The following DCST1 variants were observed in gnomAD, a reference collection of about 807,000 sequenced individuals.
The protein encoded by DCST1 is DC-STAMP domain containing 1.
Under a neutral mutation model 89.1 loss-of-function variants are expected in DCST1, and 78 were observed. The ratio of observed to expected loss-of-function variants is 0.88; its 90% CI spans 0.73 to 1.06. The LOEUF (loss-of-function observed/expected upper bound fraction) is 1.06, where lower values mean the gene tolerates loss of function less well. Among genes scored for constraint, DCST1 ranks in the 50% least tolerant of loss-of-function variants. The pLI, the probability that DCST1 is intolerant of heterozygous loss-of-function variation, is 0.00. For synonymous variants in DCST1, 364 were observed against 371.9 expected, an observed-to-expected ratio of 0.98 and a Z score of 0.24; for missense variants, 900 against 928.6, an observed-to-expected ratio of 0.97 and a Z score of 0.40.
intron 10 of DCST1, among the ~76,000 whole-genome samples, chr1:155,044,408 G>A (rs183626611): frequency 6.9e-6 from 1 of 145,510 alleles, no homozygotes; most frequent in African/African-American, 2.5e-5. Flanking sequence ...CTGGGAGGTC[G>A]AAGCTGCAGT....
At chr1:155,043,621 A>G in intron 10 of DCST1, 112 bp downstream of exon 10, 1 of 1,270,848 alleles carries the variant, frequency 7.9e-7, no homozygotes, top group Non-Finnish European at 1.0e-6. Context: ...TCTGAATCTG[A>G]ATATTATTTA....
In DCST1 at chr1:155,047,255, A is replaced by G. The variant is rs1444551020; in HGVS notation, c.1555A>G (p.Lys519Glu). The change falls in exon 14 of 17, where the codon AAA becomes GAA. Residue 519 changes from lysine to glutamate, a missense_variant. Physicochemically the swap from Lys to Glu is moderately conservative, Grantham distance 56. Coordinates refer to ENST00000295542, the MANE Select transcript of DCST1 (RefSeq NM_152494.4). ...GDSMLARLLR[K>E]TIGALNTSSE... Reference sequence around the variant, plus strand: ...CTCCATGCTAGCCCGGCTTCTTCGAAAAACCATTGGGGCCCTGAACACCTC... The same window carrying G: ...CTCCATGCTAGCCCGGCTTCTTCGAGAAACCATTGGGGCCCTGAACACCTC... 6 of 1,614,142 alleles carry G rather than the reference A, an allele frequency of 3.7e-6. No individual in the cohort carries two copies. Among genetic ancestry groups the G allele is most frequent in the East Asian group, 2.2e-5 (1 of 44,902 alleles).
In DCST1 at chr1:155,047,312, C is replaced by A. The variant is rs780909658; in HGVS notation, c.1612C>A (p.Pro538Thr). ...SETVMESNNMPCLPQPVGLDA... is the reference protein window; with the variant it reads ...SETVMESNNMTCLPQPVGLDA... Reference sequence around the variant, plus strand: ...GACAGTGATGGAATCAAACAACATGCGTGAGTGATGCTGAAAGTTTGGATC... The same window carrying A: ...GACAGTGATGGAATCAAACAACATGAGTGAGTGATGCTGAAAGTTTGGATC... Residue 538 changes from proline (P) to threonine (T), a missense_variant and splice_region_variant, in exon 14 of 17, where the codon CCC becomes ACC. Pro to Thr is a conservative substitution (Grantham distance 38, BLOSUM62 -1). Transcript: ENST00000295542. The A allele has an allele frequency of 1.2e-6, 2 of 1,609,056 alleles. No homozygotes were observed. The highest frequency in any genetic ancestry group is 1.7e-6 in the Non-Finnish European group (2 of 1,175,756).
At chr1:155,035,051 A>AATTCATTCATTC in intron 4 of DCST1, 1 of 284,686 alleles carries the variant, frequency 3.5e-6, no homozygotes, top group East Asian at 9.4e-5. Context: ...TAAGAAATTA[A>AATTCATTCATTC]ATTCATTCAT....
intron 16 of DCST1, among the ~76,000 whole-genome samples, chr1:155,049,514 A>C (rs2102366858): frequency 6.6e-6 from 1 of 151,764 alleles, no homozygotes; most frequent in South Asian, 2.1e-4. Flanking sequence ...TCCCCAGTTC[A>C]AGCGATTCTC....
intron 4 of DCST1, among the ~76,000 whole-genome samples, chr1:155,038,051 C>CA (rs1036443742): frequency 5.6e-4 from 85 of 152,098 alleles, no homozygotes; most frequent in Middle Eastern, 3.4e-3. Context: ...GAAGAAGGCA[C>CA]AAAAAAAACT....
chr1:155,040,348 A>G, intron 5 of DCST1, 137 bp from the exon 6 acceptor site: 1 of 867,182 alleles, frequency 1.2e-6, no homozygotes, highest in Non-Finnish European at 1.6e-6. Context: ...AGGTTGAACA[A>G]GTTGACCTTT....
At position 155,041,322 on chromosome 1, in the gene DCST1, GAGGACAGGCCCTCAGGC is replaced by G. The variant is rs1207127208; in HGVS notation, c.532-72_532-56del. On this transcript the variant is annotated intron_variant, in intron 6 of 16. Transcript: ENST00000295542. Reference sequence around the variant, plus strand: ...AGAACCCAAAGCTTGGCTACTGGGGGAGGACAGGCCCTCAGGCAGCAGAAGTTCTAAAGCCCCAGCCC... The same window carrying G: ...AGAACCCAAAGCTTGGCTACTGGGGGAGCAGAAGTTCTAAAGCCCCAGCCC... 2.7e-6 allele frequency: 4 copies of G among 1,496,976 alleles called. No homozygotes were observed. The African/African-American group carries it at 5.5e-5, about 21-fold the overall frequency. The allele number at this position is 1,496,976 out of a possible 1,614,324, so 92.7% of individuals were successfully genotyped here.
chr1:155,036,129 T>TCCC (rs1390915044), intron 4 of DCST1, among the ~76,000 whole-genome samples: 2 of 148,144 alleles, frequency 1.4e-5, no homozygotes, highest in Non-Finnish European at 1.5e-5. Flanking sequence ...TTGCCTATAA[T>TCCC]CCCCACAGTA....
intron 15 of DCST1, 35 bp downstream of exon 15, chr1:155,047,964 A>G: frequency 6.2e-7 from 1 of 1,613,106 alleles, no homozygotes; most frequent in Non-Finnish European, 8.5e-7. Flanking sequence ...ACCCCTACAC[A>G]CCTGCACACA....
rs1558110227 is a variant in DCST1 at position 155,046,220 on chromosome 1, G to A, written c.1368G>A (p.Val456=). The A allele has an allele frequency of 6.2e-7, 1 of 1,614,218 alleles. No homozygotes were observed. The highest frequency in any genetic ancestry group is 8.5e-7 in the Non-Finnish European group (1 of 1,180,044). ...PTIQASEMSN[V]VRELLETLPI... The stretch of plus-strand genomic sequence containing the variant: ...TCCAGGCCTCAGAAATGAGCAATGT[G>A]GTGAGGACAGCATGGGGAGCGGACT... Residue 456 remains valine (V), a splice_region_variant and synonymous_variant, in exon 12 of 17, where the codon GTG becomes GTA. Coordinates refer to ENST00000295542, the MANE Select transcript of DCST1 (RefSeq NM_152494.4).
Position 155,041,569 on chromosome 1 carries a change from C to T in DCST1, c.704C>T (p.Ser235Leu), listed in dbSNP as rs746859509. 9 of 1,614,084 alleles carry T rather than the reference C, an allele frequency of 5.6e-6. No homozygotes were observed. The highest frequency in any genetic ancestry group is 4.5e-5 in the East Asian group (2 of 44,882). ...GCCCCAGCCTCCAGACTCCACCTGT[C>T]GACACAGAAGATGTATGAGCTGAAG... ...RQAPASRLHL[S>L]TQKMYELKTK... The change falls in exon 7 of 17, where the codon TCG (serine) becomes TTG (leucine). Residue 235 changes from serine (S) to leucine (L), a missense_variant. Ser to Leu is a moderately radical substitution (Grantham distance 145). Transcript: ENST00000295542.
rs756408415 is a variant in DCST1, at chr1:155,047,201, C to A, written c.1501C>A (p.His501Asn). 7 of 1,613,994 alleles carry A rather than the reference C, an allele frequency of 4.3e-6. No individual in the cohort carries two copies. The highest frequency in any genetic ancestry group is 1.3e-5 in the African/African-American group (1 of 74,930). Residue 501 changes from histidine (H) to asparagine (N), a missense_variant, in exon 14 of 17, where the codon CAT becomes AAT. Transcript: ENST00000295542. ...SFLQYSFRSS[H>N]KLEVKVGGDS... Reference sequence around the variant, plus strand: ...ACCTGTCCTCCTGGCCGCAGGCAGTCATAAACTGGAGGTGAAGGTCGGGGG... The same window carrying A: ...ACCTGTCCTCCTGGCCGCAGGCAGTAATAAACTGGAGGTGAAGGTCGGGGG...
intron 4 of DCST1, among the ~76,000 whole-genome samples, chr1:155,038,780 T>C (rs1363176914): frequency 3.9e-5 from 6 of 152,346 alleles, no homozygotes; most frequent in Non-Finnish European, 8.8e-5. Context: ...AGCACCTCCC[T>C]TGTGCACTTA....
chr1:155,046,333 G>T (rs1025139862), intron 12 of DCST1, 27 bp from the exon 13 acceptor site: 1 of 1,614,180 alleles, frequency 6.2e-7, no homozygotes, highest in African/African-American at 1.3e-5. Flanking sequence ...GCACTGCCCA[G>T]CTCTGCCCCT....
rs936478796 is a variant in DCST1, at chr1:155,040,428, G to A, written c.392-57G>A. 6 of 1,544,550 alleles carry A rather than the reference G, an allele frequency of 3.9e-6. No homozygotes were observed. In the African/African-American group the frequency reaches 6.8e-5, roughly 17 times the overall value. ...ACTATTTGCAGAGGGAAGCTGAGCGGGTTTGAGAAAGTGCTGGTTATACAG... is the reference window on the plus strand; with the variant it reads ...ACTATTTGCAGAGGGAAGCTGAGCGAGTTTGAGAAAGTGCTGGTTATACAG... On this transcript the variant is annotated intron_variant, in intron 5 of 16. Transcript: ENST00000295542.
rs1051832507 is a variant in DCST1, at chr1:155,046,440, C to G, written c.1449C>G (p.Ile483Met). The change falls in exon 13 of 17, where the codon ATC becomes ATG. Residue 483 changes from isoleucine (I) to methionine (M), a missense_variant. By Grantham distance (10) the Ile-to-Met change is conservative. Transcript: ENST00000295542. Reference protein sequence around the residue: ...LCGLDWALYSIFDTIRHHSFL... With the variant: ...LCGLDWALYSMFDTIRHHSFL... ...GCTTGGACTGGGCTCTCTACTCCAT[C>G]TTCGACACCATCCGCCACCACTCCT... The G allele has an allele frequency of 2.5e-6, 4 of 1,613,914 alleles. No individual in the cohort carries two copies. Among genetic ancestry groups the G allele is most frequent in the Non-Finnish European group, 3.4e-6 (4 of 1,180,024 alleles).
At chr1:155,039,580 G>A (rs1231460318) in intron 5 of DCST1, 49 bp downstream of exon 5, 1 of 1,485,008 alleles carries the variant, frequency 6.7e-7, no homozygotes, top group Non-Finnish European at 9.0e-7. Context: ...GACCCTGGGT[G>A]GGTCATCCAA....
intron 1 of DCST1, 23 bp downstream of exon 1, chr1:155,033,877 C>T: frequency 7.8e-7 from 1 of 1,274,444 alleles, no homozygotes; most frequent in South Asian, 1.4e-5. Flanking sequence ...TCTCCTTCCC[C>T]ACTTCTCGGA....
Sources: gnomAD v4.1 joint callset for allele counts (sites outside exome capture counted in the v4.1 genomes callset) on GRCh38, gnomAD v4.1.1 for gene constraint, MANE v1.5 for transcripts, NCBI Gene and HGNC (gene_info 2026-07-23, HGNC 2026-07-21) for gene names.